The following ZFP1 variants were observed in gnomAD, a reference collection of about 807,000 sequenced individuals.
ZFP1 encodes ZFP1 zinc finger protein.
In ZFP1, 32 loss-of-function variants were observed where a neutral mutation model predicts 38.5. That is an observed-to-expected ratio of 0.83 (90% CI 0.63 to 1.12). The LOEUF is 1.12. ZFP1 is among the 50% of genes most tolerant of loss of function. ZFP1 has a pLI of 0.00. For missense variants in ZFP1, 616 were observed against 480.8 expected (o/e 1.28, Z -2.63); for synonymous variants, 245 against 168.8 (o/e 1.45, Z -3.50).
chr16:75,161,409 A>G (rs913456243), intron 2 of ZFP1, among the ~76,000 whole-genome samples: 2 of 151,792 alleles, frequency 1.3e-5, no homozygotes, highest in African/African-American at 4.8e-5. Context: ...GTTCTGTGCC[A>G]TGGTTCAGCA....
upstream of ZFP1, chr16:75,143,981 G>C (rs796649992): frequency 5.3e-5 from 8 of 152,254 alleles, no homozygotes; most frequent in African/African-American, 1.7e-4. Context: ...GTAGTTGTTT[G>C]ATACTGTATA....
Position 75,170,209 on chromosome 16 carries a change from C to G in ZFP1, c.1099C>G (p.Leu367Val). The change falls in exon 4 of 4, where the codon CTT (leucine) becomes GTT (valine). Residue 367 changes from leucine to valine, a missense_variant. Physicochemically the swap from Leu to Val is conservative, Grantham distance 32. Transcript: ENST00000570010. ...CAAAACTTTCAGCCAGAGGTCAACT[C>G]TTAGATTACACTTGCGAATCCACAC... ...CGKTFSQRST[L>V]RLHLRIHTGE... is the part of the protein sequence containing the mutation. 1 of 1,614,136 alleles carries G rather than the reference C, an allele frequency of 6.2e-7. No individual in the cohort carries two copies. The highest frequency in any genetic ancestry group is 8.5e-7 in the Non-Finnish European group (1 of 1,180,026).
intron 2 of ZFP1, among the ~76,000 whole-genome samples, chr16:75,155,300 T>C (rs1360534753): frequency 6.6e-6 from 1 of 152,082 alleles, no homozygotes; most frequent in Non-Finnish European, 1.5e-5. Context: ...CTTACCTAAT[T>C]TTTTGTATTT....
chr16:75,141,914 G>A, the ZFP1 span, among the ~76,000 whole-genome samples: 2 of 151,700 alleles, frequency 1.3e-5, no homozygotes, highest in Admixed American at 1.3e-4. Context: ...AGCTGGGCAT[G>A]ATGATGGTGG....
Position 75,166,606 on chromosome 16 carries a change from C to G in ZFP1, c.16-164C>G, listed in dbSNP as rs187094804. On this transcript the variant is annotated intron_variant, in intron 2 of 3. Transcript: ENST00000570010. The stretch of plus-strand genomic sequence containing the variant: ...ATAGGGGAATCTGAATAAATCTCAA[C>G]TATTTATAAAAATATATTTTGGAAG... 18 of 984,876 alleles carry G rather than the reference C, an allele frequency of 1.8e-5. 1 individual carries two copies. In the East Asian group the frequency reaches 3.4e-4, roughly 19 times the overall value. The allele number at this position is 984,876 out of a possible 1,614,324, so 61.0% of individuals were successfully genotyped here. A position where few individuals can be genotyped will look rare whatever the true frequency, so the allele number is the denominator to read the frequency against.
At chr16:75,144,536 G>T (rs1597021472), upstream of ZFP1, among the ~76,000 whole-genome samples, 1 of 152,248 alleles carries the variant, frequency 6.6e-6, no homozygotes, top group Admixed American at 6.5e-5. Context: ...AAGATTATAG[G>T]TTATGGTAAT....
At chr16:75,120,529 T>TG in the ZFP1 span, among the ~76,000 whole-genome samples, 2 of 146,258 alleles carry the variant, frequency 1.4e-5, no homozygotes, top group African/African-American at 5.2e-5. Flanking sequence ...TTTTTTTTTG[T>TG]TTTTTTTTTT....
At chr16:75,120,328 G>A in the ZFP1 span, among the ~76,000 whole-genome samples, 1 of 152,074 alleles carries the variant, frequency 6.6e-6, no homozygotes, top group Non-Finnish European at 1.5e-5. Flanking sequence ...ACCCTCTGCT[G>A]CATGAGGGAC....
intron 2 of ZFP1, among the ~76,000 whole-genome samples, chr16:75,155,730 C>T (rs1355889628): frequency 6.6e-6 from 1 of 152,180 alleles, no homozygotes; most frequent in East Asian, 1.9e-4. Flanking sequence ...TAGATAGCCA[C>T]TATCTTGACA....
the ZFP1 span, among the ~76,000 whole-genome samples, chr16:75,123,420 T>C: frequency 7.4e-6 from 1 of 135,410 alleles, no homozygotes; most frequent in East Asian, 2.2e-4. Context: ...TACAAATATA[T>C]ATATAAGAAT....
At chr16:75,160,495 C>G (rs1597061511) in intron 2 of ZFP1, among the ~76,000 whole-genome samples, 1 of 151,950 alleles carries the variant, frequency 6.6e-6, no homozygotes, top group African/African-American at 2.4e-5. Flanking sequence ...CCCATCTGTA[C>G]TAAAAATACA....
chr16:75,146,931 C>G (rs1488845981), upstream of ZFP1, among the ~76,000 whole-genome samples: 1 of 89,414 alleles, frequency 1.1e-5, no homozygotes, highest in Non-Finnish European at 2.0e-5. Context: ...CAGAGTGAGA[C>G]CCTGTGTCAA....
chr16:75,170,405 G>A lies in ZFP1; in HGVS notation c.*71G>A, dbSNP rs76675093. 2 of 1,479,512 alleles carry A rather than the reference G, an allele frequency of 1.4e-6. No individual in the cohort carries two copies. The highest frequency in any genetic ancestry group is 2.8e-5 in the African/African-American group (2 of 71,172). The allele number at this position is 1,479,512 out of a possible 1,614,324, so 91.6% of individuals were successfully genotyped here. A position where few individuals can be genotyped will look rare whatever the true frequency, so the allele number is the denominator to read the frequency against. On this transcript the variant is annotated 3_prime_UTR_variant, in exon 4 of 4. Transcript: ENST00000570010. ...CAAGCGGGTGAAAAACCTCATGACA[G>A]TATTGAGGGAACATGGGAATTCATA...
At chr16:75,143,337 G>T in the ZFP1 span, among the ~76,000 whole-genome samples, 2 of 152,060 alleles carry the variant, frequency 1.3e-5, no homozygotes, top group Admixed American at 1.3e-4. Context: ...CGCCCCTCGA[G>T]TTCAAGCAAT....
At chr16:75,166,649 G>A in intron 2 of ZFP1, 121 bp from the exon 3 acceptor site, 1 of 1,546,718 alleles carries the variant, frequency 6.5e-7, no homozygotes, top group East Asian at 2.3e-5. Flanking sequence ...CAAAAACAGT[G>A]AACAAGATGT....
upstream of ZFP1, among the ~76,000 whole-genome samples, chr16:75,146,823 T>G (rs1358276348): frequency 6.6e-6 from 1 of 151,730 alleles, no homozygotes; most frequent in Non-Finnish European, 1.5e-5. Context: ...GCCTGTAGTT[T>G]TAGCTACTTG....
At position 75,170,439 on chromosome 16, in the gene ZFP1, C is replaced by T; in HGVS notation, c.*105C>T. ...GAACATGGGAATTCATACTGAGATG[C>T]AATCTCTCAACTCAAAAATGTATTA... On this transcript the variant is annotated 3_prime_UTR_variant, in exon 4 of 4. Transcript: ENST00000570010. The T allele has an allele frequency of 7.2e-7, 1 of 1,390,770 alleles. No individual in the cohort carries two copies. The highest frequency in any genetic ancestry group is 9.4e-7 in the Non-Finnish European group (1 of 1,059,658). 86.2% of individuals were successfully genotyped at this position (1,390,770 alleles called of 1,614,324 possible).
the ZFP1 span, among the ~76,000 whole-genome samples, chr16:75,141,447 C>A: frequency 6.6e-6 from 1 of 151,722 alleles, no homozygotes; most frequent in South Asian, 2.1e-4. Context: ...ACTTGTGATC[C>A]GCCCGCCTCG....
intron 3 of ZFP1, among the ~76,000 whole-genome samples, chr16:75,168,951 C>T (rs942599698): frequency 1.2e-4 from 19 of 152,162 alleles, no homozygotes; most frequent in Non-Finnish European, 2.4e-4. Flanking sequence ...CCAGCCTTCT[C>T]ATATTGTGTT....
Sources: gnomAD v4.1 joint callset for allele counts (sites outside exome capture counted in the v4.1 genomes callset) on GRCh38, gnomAD v4.1.1 for gene constraint, MANE v1.5 for transcripts, NCBI Gene and HGNC (gene_info 2026-07-23, HGNC 2026-07-21) for gene names.